TMEM132B: variants seen among roughly 807,000 people sequenced by gnomAD.
TMEM132B encodes transmembrane protein 132B.
TMEM132B carries 18 observed loss-of-function variants against 90.8 expected under a neutral mutation model. That is an observed-to-expected ratio of 0.20 (90% confidence interval 0.14 to 0.29). The LOEUF (loss-of-function observed/expected upper bound fraction) is 0.29, where lower values mean the gene tolerates loss of function less well. Ranked by LOEUF, TMEM132B falls within the 10% of genes least tolerant of loss-of-function variation. The pLI, the probability that TMEM132B is intolerant of heterozygous loss-of-function variation, is 1.00. For missense variants in TMEM132B, 1,096 were observed against 1,326.8 expected, an observed-to-expected ratio of 0.83 and a Z score of 2.70; for synonymous variants, 504 against 523.3, an observed-to-expected ratio of 0.96 and a Z score of 0.50.
At chr12:125,329,697 G>A (rs886564471) in intron 1 of TMEM132B, among the ~76,000 whole-genome samples, 1 of 152,160 alleles carries the variant, frequency 6.6e-6, no homozygotes, top group African/African-American at 2.4e-5. Flanking sequence ...ACTGACACAG[G>A]CTGTATTCAT....
At chr12:125,615,217 A>T (rs2136956052) in intron 5 of TMEM132B, among the ~76,000 whole-genome samples, 1 of 152,104 alleles carries the variant, frequency 6.6e-6, no homozygotes, top group South Asian at 2.1e-4. Context: ...TTTTTATTAA[A>T]TTTGGGGATG....
At chr12:125,195,050 G>A (rs1430570263) in intron 1 of TMEM132B, among the ~76,000 whole-genome samples, 1 of 152,180 alleles carries the variant, frequency 6.6e-6, no homozygotes, top group African/African-American at 2.4e-5. Flanking sequence ...CTTGACCTGA[G>A]ACTCAGTTTC....
intron 3 of TMEM132B, among the ~76,000 whole-genome samples, chr12:125,505,125 CATAAG>C (rs1198524171): frequency 1.5e-5 from 1 of 67,178 alleles, no homozygotes; most frequent in African/African-American, 5.8e-5. Context: ...AATTACTTGA[CATAAG>C]AAGGAACAAG....
intron 2 of TMEM132B, among the ~76,000 whole-genome samples, chr12:125,374,851 A>C (rs557946855): frequency 3.3e-5 from 5 of 152,144 alleles, no homozygotes; most frequent in African/African-American, 9.6e-5. Context: ...ACAGAAAAAA[A>C]CCCTCAATTT....
At chr12:125,618,168 G>A (rs1886035344) in intron 5 of TMEM132B, among the ~76,000 whole-genome samples, 1 of 152,110 alleles carries the variant, frequency 6.6e-6, no homozygotes, top group African/African-American at 2.4e-5. Flanking sequence ...AGGGTGCTGG[G>A]TGGGGACACT....
chr12:125,224,066 C>T (rs540031775), intron 1 of TMEM132B, among the ~76,000 whole-genome samples: 1 of 152,324 alleles, frequency 6.6e-6, no homozygotes, highest in East Asian at 1.9e-4. Context: ...CGTGAACCAC[C>T]GTGCCCGGCC....
intron 3 of TMEM132B, among the ~76,000 whole-genome samples, chr12:125,430,963 G>A (rs942505160): frequency 2.0e-5 from 3 of 152,212 alleles, no homozygotes; most frequent in Admixed American, 1.3e-4. Context: ...TGGGAGGAGA[G>A]CATCTCCCCA....
chr12:125,574,875 C>A (rs533064059), intron 4 of TMEM132B, among the ~76,000 whole-genome samples: 141 of 151,136 alleles, frequency 9.3e-4, no homozygotes, highest in Non-Finnish European at 1.8e-3. Flanking sequence ...CTGATGTTCC[C>A]AACACATGAA....
rs767544789 is a variant in TMEM132B at position 125,350,002 on chromosome 12, A to C, written c.618A>C (p.Glu206Asp). Residue 206 changes from glutamate (E) to aspartate (D), a missense_variant, in exon 2 of 9, where the codon GAA becomes GAC. By Grantham distance (45) the Glu-to-Asp change is conservative. Coordinates refer to ENST00000682704, the MANE Select transcript of TMEM132B (RefSeq NM_001366854.1). Reference protein sequence around the residue: ...PEWFSSGLDLEPEEEIPALLG... With the variant: ...PEWFSSGLDLDPEEEIPALLG... The stretch of plus-strand genomic sequence containing the variant: ...GGTTCAGCTCAGGCCTGGACCTGGA[A>C]CCAGAGGAGGAGATCCCAGCCCTGC... 2 of 1,614,180 alleles carry C rather than the reference A, an allele frequency of 1.2e-6. No homozygotes were observed. Among genetic ancestry groups the C allele is most frequent in the Non-Finnish European group, 8.5e-7 (1 of 1,180,028 alleles).
intron 1 of TMEM132B, among the ~76,000 whole-genome samples, chr12:125,234,764 G>A (rs191649509): frequency 6.6e-6 from 1 of 152,182 alleles, no homozygotes; most frequent in African/African-American, 2.4e-5. Context: ...CACCTAAAAT[G>A]ATAACACCTC....
At chr12:125,227,491 C>T (rs1373545223) in intron 1 of TMEM132B, among the ~76,000 whole-genome samples, 1 of 152,020 alleles carries the variant, frequency 6.6e-6, no homozygotes, top group African/African-American at 2.4e-5. Flanking sequence ...TCTGTGGGCT[C>T]TTGTGACTGG....
intron 4 of TMEM132B, among the ~76,000 whole-genome samples, chr12:125,575,921 C>A (rs941836018): frequency 6.6e-6 from 1 of 152,034 alleles, no homozygotes; most frequent in Non-Finnish European, 1.5e-5. Context: ...GAAGTGTGAG[C>A]CTTCCAACTG....
intron 1 of TMEM132B, among the ~76,000 whole-genome samples, chr12:125,237,842 G>C (rs149359077): frequency 6.6e-6 from 1 of 152,320 alleles, no homozygotes; most frequent in East Asian, 1.9e-4. Context: ...CCTTGTGCTT[G>C]GTGCTGTTGT....
At chr12:125,470,236 T>C (rs1158142250) in intron 3 of TMEM132B, among the ~76,000 whole-genome samples, 1 of 152,132 alleles carries the variant, frequency 6.6e-6, no homozygotes, top group African/African-American at 2.4e-5. Flanking sequence ...GCTGCTGAGC[T>C]AAGCTAAGGC....
At chr12:125,561,451 C>A (rs1376872755) in intron 4 of TMEM132B, among the ~76,000 whole-genome samples, 1 of 152,080 alleles carries the variant, frequency 6.6e-6, no homozygotes, top group Non-Finnish European at 1.5e-5. Flanking sequence ...AGCAAACCAC[C>A]ATGGCACGTG....
chr12:125,555,447 G>A (rs1369651196), intron 4 of TMEM132B, among the ~76,000 whole-genome samples: 1 of 151,154 alleles, frequency 6.6e-6, no homozygotes, highest in Non-Finnish European at 1.5e-5. Context: ...GCATCATATT[G>A]AAACTGTTTC....
chr12:125,594,908 T>A (rs1885402367), intron 5 of TMEM132B, among the ~76,000 whole-genome samples: 2 of 152,166 alleles, frequency 1.3e-5, no homozygotes, highest in South Asian at 4.1e-4. Flanking sequence ...ATTTATCAAT[T>A]TTTTTTCAAC....
intron 4 of TMEM132B, among the ~76,000 whole-genome samples, chr12:125,557,457 A>G (rs761754279): frequency 5.3e-5 from 8 of 152,208 alleles, no homozygotes; most frequent in Non-Finnish European, 1.0e-4. Flanking sequence ...TATAGCATCT[A>G]TTACATATCA....
chr12:125,397,064 C>T (rs1566022658), intron 2 of TMEM132B, among the ~76,000 whole-genome samples: 1 of 151,952 alleles, frequency 6.6e-6, no homozygotes, highest in Non-Finnish European at 1.5e-5. Context: ...CTCCCCCTCC[C>T]AGGTTCAAGC....
Sources: allele counts gnomAD v4.1 joint callset (sites outside exome capture counted in the v4.1 genomes callset), GRCh38; gene constraint gnomAD v4.1.1; transcripts MANE v1.5; gene names NCBI Gene and HGNC (gene_info 2026-07-23, HGNC 2026-07-21).